Variants in PLXDC2 observed in about 807,000 individuals in gnomAD.
The protein encoded by PLXDC2 is plexin domain containing 2.
In PLXDC2, 40 loss-of-function variants were observed where a neutral mutation model predicts 68.9. That is an observed-to-expected ratio of 0.58 (90% CI 0.45 to 0.76). PLXDC2 has a LOEUF of 0.76. PLXDC2 is among the 30% of genes least tolerant of loss of function. The probability of loss-of-function intolerance (pLI) is 0.00; values close to 1 mark genes in which losing one functional copy is unlikely to be tolerated. For missense variants in PLXDC2, 644 were observed against 661.9 expected (o/e 0.97, Z 0.30); for synonymous variants, 243 against 234.2 (o/e 1.04, Z -0.34).
intron 1 of PLXDC2, among the ~76,000 whole-genome samples, chr10:19,968,569 G>A (rs972207847): frequency 5.3e-5 from 8 of 152,002 alleles, no homozygotes; most frequent in South Asian, 2.1e-4. Flanking sequence ...TGCCTTGGCC[G>A]CCCAAAGTGC....
intron 4 of PLXDC2, among the ~76,000 whole-genome samples, chr10:20,131,991 C>A (rs1314551889): frequency 6.6e-6 from 1 of 152,072 alleles, no homozygotes; most frequent in East Asian, 1.9e-4. Flanking sequence ...TTGCTATAAA[C>A]TTACCCCTTA....
At chr10:20,044,239 T>TTCTTTCTTTCTTTCTTTC (rs1835750675) in intron 2 of PLXDC2, among the ~76,000 whole-genome samples, 4 of 103,240 alleles carry the variant, frequency 3.9e-5, no homozygotes, top group Non-Finnish European at 7.4e-5. Flanking sequence ...CTTTCTTTCT[T>TTCTTTCTTTCTTTCTTTC]TCTTTCTTTC....
chr10:20,150,016 T>G lies in PLXDC2; in HGVS notation c.783+2114T>G, dbSNP rs1834132147. Among the ~76,000 whole-genome samples the G allele has an allele frequency of 2.0e-5, 3 of 152,278 alleles. 1 individual carries two copies. The South Asian group carries it at 6.2e-4, about 32-fold the overall frequency. On this transcript the variant is annotated intron_variant, in intron 6 of 13. Transcript: ENST00000377252. ...GAGTTTGAACATACTCTTCTTGTCC[T>G]GCTGAACATCCTCCCCCATCATCGA...
At chr10:20,269,984 C>G (rs1019688829) in intron 13 of PLXDC2, among the ~76,000 whole-genome samples, 16 of 151,740 alleles carry the variant, frequency 1.1e-4, no homozygotes, top group Admixed American at 2.6e-4. Flanking sequence ...CACCACTGCA[C>G]TACATCCTAG....
rs77473651 is a variant in PLXDC2 at position 19,874,942 on chromosome 10, T to C, written c.112+57751T>C. 1.1e-3 allele frequency among the ~76,000 whole-genome samples: 166 copies of C among 152,258 alleles called. 3 individuals carry two copies. The East Asian group carries it at 0.026, about 24-fold the overall frequency. ...TTGTGCAAGGCTAAGGAATGTAACC[T>C]ACTTATGACCTGGGAGAAGCAACTG... On this transcript the variant is annotated intron_variant, in intron 1 of 13. Coordinates refer to ENST00000377252, the MANE Select transcript of PLXDC2 (RefSeq NM_032812.9).
At chr10:19,891,306 C>T (rs930135036) in intron 1 of PLXDC2, among the ~76,000 whole-genome samples, 4 of 152,176 alleles carry the variant, frequency 2.6e-5, no homozygotes, top group Admixed American at 2.6e-4. Context: ...CACACGATTT[C>T]TTGGCTTTCC....
chr10:20,244,892 G>C (rs190325413), intron 12 of PLXDC2, among the ~76,000 whole-genome samples: 1 of 152,116 alleles, frequency 6.6e-6, no homozygotes, highest in African/African-American at 2.4e-5. Context: ...GAGGCAGGCG[G>C]ATCACCTGAA....
At chr10:20,161,314 G>A (rs1018272433) in intron 6 of PLXDC2, among the ~76,000 whole-genome samples, 3 of 141,500 alleles carry the variant, frequency 2.1e-5, no homozygotes, top group Non-Finnish European at 4.7e-5. Flanking sequence ...AACTTTTGGT[G>A]CAAAAAAATA....
intron 9 of PLXDC2, among the ~76,000 whole-genome samples, chr10:20,196,368 T>G (rs1834837484): frequency 6.6e-6 from 1 of 152,178 alleles, no homozygotes; most frequent in East Asian, 1.9e-4. Flanking sequence ...CATCTTATTT[T>G]CAGTTAGCAC....
At chr10:19,990,931 C>A (rs902966865) in intron 1 of PLXDC2, among the ~76,000 whole-genome samples, 4 of 152,026 alleles carry the variant, frequency 2.6e-5, no homozygotes, top group Admixed American at 6.6e-5. Context: ...TTACTAAATT[C>A]AGTGGAGTGA....
chr10:20,004,635 A>C lies in PLXDC2; in HGVS notation c.324+2649A>C, dbSNP rs550695884. Among the ~76,000 whole-genome samples, 25 of 152,322 alleles carry C rather than the reference A, an allele frequency of 1.6e-4. No individual in the cohort carries two copies. The East Asian group carries it at 4.2e-3, about 26-fold the overall frequency. ...CCCCCTAAGTATGTAAAGACTTTTA[A>C]ATTTCTTCGAAAAAGGAAAGAGGAG... On this transcript the variant is annotated intron_variant, in intron 2 of 13. Coordinates refer to ENST00000377252, the MANE Select transcript of PLXDC2 (RefSeq NM_032812.9).
chr10:20,043,411 T>A (rs943255567), intron 2 of PLXDC2: 1 of 152,156 alleles, frequency 6.6e-6, no homozygotes, highest in Non-Finnish European at 1.5e-5. Flanking sequence ...TCGTGTATAT[T>A]TTTGCAGGTA....
intron 1 of PLXDC2, among the ~76,000 whole-genome samples, chr10:19,902,501 C>A (rs1174178895): frequency 2.0e-5 from 3 of 152,042 alleles, no homozygotes; most frequent in Non-Finnish European, 4.4e-5. Flanking sequence ...TGGTTTATAG[C>A]AGAGCTACTG....
At chr10:19,929,228 A>T (rs1324203045) in intron 1 of PLXDC2, among the ~76,000 whole-genome samples, 1 of 151,932 alleles carries the variant, frequency 6.6e-6, no homozygotes, top group African/African-American at 2.4e-5. Flanking sequence ...AAGAAAAAAA[A>T]AATAAATAAC....
intron 12 of PLXDC2, among the ~76,000 whole-genome samples, chr10:20,221,032 G>T (rs990514986): frequency 1.3e-5 from 2 of 151,704 alleles, no homozygotes; most frequent in Non-Finnish European, 2.9e-5. Flanking sequence ...TAATAGAGAC[G>T]GGGTTTCATC....
At chr10:20,105,218 C>T (rs1354956071) in intron 4 of PLXDC2, among the ~76,000 whole-genome samples, 2 of 152,112 alleles carry the variant, frequency 1.3e-5, no homozygotes, top group Non-Finnish European at 2.9e-5. Flanking sequence ...TATTCATTTT[C>T]GTATTACTGC....
chr10:19,963,882 T>A (rs559826826), intron 1 of PLXDC2, among the ~76,000 whole-genome samples: 1 of 152,192 alleles, frequency 6.6e-6, no homozygotes, highest in Non-Finnish European at 1.5e-5. Context: ...AGGCTTTAGG[T>A]CCTGCCTGAA....
chr10:20,209,093 G>A (rs977559423), intron 9 of PLXDC2, among the ~76,000 whole-genome samples: 9 of 152,232 alleles, frequency 5.9e-5, no homozygotes, highest in South Asian at 2.1e-4. Flanking sequence ...TTTCGGGCAC[G>A]CATTGTCATT....
At chr10:20,095,073 A>G (rs1833332484) in intron 4 of PLXDC2, among the ~76,000 whole-genome samples, 1 of 152,216 alleles carries the variant, frequency 6.6e-6, no homozygotes, top group South Asian at 2.1e-4. Context: ...GTTGCATAAA[A>G]TGTAAAAAGA....
Sources: allele counts gnomAD v4.1 joint callset (sites outside exome capture counted in the v4.1 genomes callset), GRCh38; gene constraint gnomAD v4.1.1; transcripts MANE v1.5; gene names NCBI Gene and HGNC (gene_info 2026-07-23, HGNC 2026-07-21).